The following FGF3 variants were observed in gnomAD, a reference collection of about 807,000 sequenced individuals.
FGF3 encodes FGF-3.
A neutral mutation model predicts 9.8 loss-of-function variants in FGF3; 7 were observed. The ratio of observed to expected loss-of-function variants is 0.72; its 90% CI spans 0.41 to 1.35. The LOEUF is 1.35. Ranked by LOEUF, FGF3 falls within the 40% of genes most tolerant of loss-of-function variation. The pLI is 0.01. For missense variants in FGF3, 390 were observed against 345.6 expected (o/e 1.13, Z -1.02); for synonymous variants, 173 against 157.2 (o/e 1.10, Z -0.75).
chr11:69,813,800 ATGGATGGGTGGATGGGTGGATGGG>A (rs1416300857), intron 2 of FGF3, among the ~76,000 whole-genome samples: 4 of 118,320 alleles, frequency 3.4e-5, no homozygotes, highest in Non-Finnish European at 5.3e-5. Flanking sequence ...GGATGGATGG[ATGGATGGGTGGATGGGTGGATGGG>A]TGGATGGGTG....
chr11:69,817,118 C>A, intron 1 of FGF3, among the ~76,000 whole-genome samples: 1 of 152,168 alleles, frequency 6.6e-6, no homozygotes, highest in Admixed American at 6.5e-5. Flanking sequence ...CCCCTCCCGC[C>A]TTTCCTTCTG....
intron 2 of FGF3, among the ~76,000 whole-genome samples, chr11:69,811,498 A>T (rs34673378): frequency 0.46 from 68,771 of 149,376 alleles, 16,270 homozygotes; most frequent in East Asian, 0.61. Context: ...TGCAGAAAAG[A>T]AAAAAGAAGA....
intron 1 of FGF3, 87 bp from the exon 2 acceptor site, chr11:69,816,510 C>CAGCCCTGAGCCCG: frequency 1.0e-6 from 1 of 1,004,782 alleles, no homozygotes; most frequent in Non-Finnish European, 1.6e-6. Flanking sequence ...AGCCACACCC[C>CAGCCCTGAGCCCG]GGGCTCAGGG....
At position 69,810,555 on chromosome 11, in the gene FGF3, A is replaced by G; in HGVS notation, c.470T>C (p.Val157Ala). Residue 157 changes from valine to alanine, a missense_variant, in exon 3 of 3, where the codon GTG becomes GCG. By Grantham distance (64) the Val-to-Ala change is moderately conservative (BLOSUM62 0). Coordinates refer to ENST00000334134, the MANE Select transcript of FGF3 (RefSeq NM_005247.4). ...CCTGCGGGGCCGGCCCTTGCCGTTC[A>G]CAGACACGTACCACAGTCTCTCGGC... ...PSAERLWYVS[V>A]NGKGRPRRGF... 1 of 1,612,868 alleles carries G rather than the reference A, an allele frequency of 6.2e-7. No individual in the cohort carries two copies. The highest frequency in any genetic ancestry group is 8.5e-7 in the Non-Finnish European group (1 of 1,179,778).
At position 69,813,941 on chromosome 11, in the gene FGF3, T is replaced by C. The variant is rs1290650829; in HGVS notation, c.324+2379A>G. Among the ~76,000 whole-genome samples the C allele has an allele frequency of 2.7e-5, 4 of 148,952 alleles. 1 individual carries two copies. The highest frequency in any genetic ancestry group is 4.5e-5 in the Non-Finnish European group (3 of 67,206). The stretch of plus-strand genomic sequence containing the variant: ...CTGGATGGATTGGTGGATGGGTTGA[T>C]GGGTGGATGGGTGGATGGGTGGATG... On this transcript the variant is annotated intron_variant, in intron 2 of 2. Transcript: ENST00000334134.
In FGF3 at chr11:69,816,210, G is replaced by A. The variant is rs7483837; in HGVS notation, c.324+110C>T. 472,012 of 879,950 alleles carry A rather than the reference G, an allele frequency of 0.54. 128,670 individuals carry two copies. The highest frequency in any genetic ancestry group is 0.62 in the East Asian group (25,610 of 41,224). 54.5% of individuals were successfully genotyped at this position (879,950 alleles called of 1,614,324 possible). A position where few individuals can be genotyped will look rare whatever the true frequency, so the allele number is the denominator to read the frequency against. On this transcript the variant is annotated intron_variant, in intron 2 of 2. Transcript: ENST00000334134. The stretch of plus-strand genomic sequence containing the variant: ...AGGGTCTGGTCCTAGCTTGGGTCCC[G>A]TGTACCCTTGGCAAAGCATTCTACT...
At chr11:69,816,212 G>T in intron 2 of FGF3, 108 bp downstream of exon 2, 1 of 895,484 alleles carries the variant, frequency 1.1e-6, no homozygotes, top group Non-Finnish European at 1.9e-6. Context: ...TGGGTCCCGT[G>T]TACCCTTGGC....
Position 69,817,744 on chromosome 11 carries a change from C to A in FGF3, c.220+970G>T, listed in dbSNP as rs532938714. The stretch of plus-strand genomic sequence containing the variant: ...TGCGCCCGGGGCCGGAGCCGAGCGC[C>A]GCGCGGAGCACCCGAGGACAGCTGT... On this transcript the variant is annotated intron_variant, in intron 1 of 2. Coordinates refer to ENST00000334134, the MANE Select transcript of FGF3 (RefSeq NM_005247.4). 7.6e-4 allele frequency among the ~76,000 whole-genome samples: 116 copies of A among 152,176 alleles called. 1 individual carries two copies. Among genetic ancestry groups the A allele is most frequent in the South Asian group, 1.9e-3 (9 of 4,828 alleles).
Position 69,810,606 on chromosome 11 carries a change from G to A in FGF3, c.419C>T (p.Thr140Met), listed in dbSNP as rs782226740. ...ASRLYRTVSS[T>M]PGARRQPSAE... is the part of the protein sequence containing the mutation. ...GCTGGGCTGCCGGCGGGCCCCAGGC[G>A]TACTAGACACCGTCCGGTACAGCCG... The change falls in exon 3 of 3, where the codon ACG (threonine) becomes ATG (methionine). Residue 140 changes from threonine to methionine, a missense_variant. By Grantham distance (81) the Thr-to-Met change is moderately conservative. Transcript: ENST00000334134. 10 of 1,610,486 alleles carry A rather than the reference G, an allele frequency of 6.2e-6. No individual in the cohort carries two copies. The East Asian group carries it at 8.9e-5, about 14-fold the overall frequency.
At chr11:69,815,344 G>A (rs1590964104) in intron 2 of FGF3, among the ~76,000 whole-genome samples, 2 of 151,752 alleles carry the variant, frequency 1.3e-5, no homozygotes, top group Admixed American at 1.3e-4. Flanking sequence ...ATGGGTGAAT[G>A]GGTGGATGGG....
At chr11:69,815,747 CT>C (rs1264351890) in intron 2 of FGF3, among the ~76,000 whole-genome samples, 3 of 152,162 alleles carry the variant, frequency 2.0e-5, no homozygotes, top group African/African-American at 7.2e-5. Context: ...TAAGGAGACC[CT>C]TTTTGGTTAC....
intron 2 of FGF3, 76 bp downstream of exon 2, chr11:69,816,244 C>T: frequency 2.6e-6 from 3 of 1,148,900 alleles, no homozygotes; most frequent in Non-Finnish European, 4.0e-6. Flanking sequence ...CTGCCCACAT[C>T]CCCCGTCCCC....
At chr11:69,812,813 C>G (rs1351172013) in intron 2 of FGF3, among the ~76,000 whole-genome samples, 2 of 152,146 alleles carry the variant, frequency 1.3e-5, no homozygotes, top group Non-Finnish European at 2.9e-5. Flanking sequence ...TAGGCTTTCT[C>G]TTTGGGGGGC....
chr11:69,815,552 T>C (rs1023875744), intron 2 of FGF3, among the ~76,000 whole-genome samples: 1 of 152,166 alleles, frequency 6.6e-6, no homozygotes, highest in African/African-American at 2.4e-5. Flanking sequence ...TGCAGGGAGA[T>C]TGTCCTTGGG....
chr11:69,818,975 G>T lies in FGF3; in HGVS notation c.-42C>A. ...CCCCGCGGCGGCGGCGGCTGCAGGC[G>T]AGCGCGGCGCCCATGGAAGGGGCGG... On this transcript the variant is annotated 5_prime_UTR_variant, in exon 1 of 3. Coordinates refer to ENST00000334134, the MANE Select transcript of FGF3 (RefSeq NM_005247.4). The T allele has an allele frequency of 2.2e-6, 3 of 1,353,482 alleles. No homozygotes were observed. The highest frequency in any genetic ancestry group is 2.9e-6 in the Non-Finnish European group (3 of 1,024,000). 83.8% of individuals were successfully genotyped at this position (1,353,482 alleles called of 1,614,324 possible).
intron 1 of FGF3, 142 bp downstream of exon 1, chr11:69,818,572 A>G: frequency 1.9e-6 from 1 of 532,318 alleles, no homozygotes; most frequent in South Asian, 3.9e-5. Context: ...TTTCCCGGAC[A>G]CCCCGGGCGC....
Position 69,810,534 on chromosome 11 carries a change from C to T in FGF3, c.491G>A (p.Arg164His), listed in dbSNP as rs782573423. 6 of 1,611,682 alleles carry T rather than the reference C, an allele frequency of 3.7e-6. No individual in the cohort carries two copies. The highest frequency in any genetic ancestry group is 3.3e-5 in the Admixed American group (2 of 59,850). ...YVSVNGKGRP[R>H]RGFKTRRTQK... ...TGTGCGGCGGGTCTTGAAGCCCCTG[C>T]GGGGCCGGCCCTTGCCGTTCACAGA... is the stretch of plus-strand genomic sequence containing the variant. The change falls in exon 3 of 3, where the codon CGC becomes CAC. Residue 164 changes from arginine to histidine, a missense_variant. Physicochemically the swap from Arg to His is conservative, Grantham distance 29 (BLOSUM62 0). Coordinates refer to ENST00000334134, the MANE Select transcript of FGF3 (RefSeq NM_005247.4).
rs1590964584 is a variant in FGF3, at chr11:69,816,240, A to G, written c.324+80T>C. On this transcript the variant is annotated intron_variant, in intron 2 of 2. Transcript: ENST00000334134. ...CCCTTGGCAAAGCATTCTACTGCCC[A>G]CATCCCCCGTCCCCTGGCTTGATGT... The G allele has an allele frequency of 1.5e-5, 17 of 1,123,764 alleles. No individual in the cohort carries two copies. In the East Asian group the frequency reaches 4.0e-4, roughly 26 times the overall value. 69.6% of individuals were successfully genotyped at this position (1,123,764 alleles called of 1,614,324 possible). A position where few individuals can be genotyped will look rare whatever the true frequency, so the allele number is the denominator to read the frequency against.
chr11:69,816,372 A>C lies in FGF3; in HGVS notation c.272T>G (p.Leu91Arg). 6.2e-7 allele frequency: 1 copy of C among 1,614,120 alleles called. No individual in the cohort carries two copies. Among genetic ancestry groups the C allele is most frequent in the South Asian group, 1.1e-5 (1 of 91,082 alleles). The change falls in exon 2 of 3, where the codon CTC (leucine) becomes CGC (arginine). Residue 91 changes from leucine to arginine, a missense_variant. Coordinates refer to ENST00000334134, the MANE Select transcript of FGF3 (RefSeq NM_005247.4). ...VEVGIVAIRG[L>R]FSGRYLAMNK... ...CATGGCCAGGTACCGCCCGGAGAAG[A>C]GACCCCTGATGGCCACAATGCCCAC...
Sources: allele counts gnomAD v4.1 joint callset (sites outside exome capture counted in the v4.1 genomes callset), GRCh38; gene constraint gnomAD v4.1.1; transcripts MANE v1.5; gene names NCBI Gene and HGNC (gene_info 2026-07-23, HGNC 2026-07-21).